Variants in DAB1 observed in about 807,000 individuals in gnomAD.
DAB1 encodes disabled homolog 1.
DAB1 carries 15 observed loss-of-function variants against 64.6 expected under a neutral mutation model. The observed-to-expected ratio is 0.23, with a 90% CI of 0.16 to 0.36. DAB1 has a LOEUF of 0.36. Among genes scored for constraint, DAB1 ranks in the 10% least tolerant of loss-of-function variants. The pLI is 1.00. For missense variants in DAB1, 596 were observed against 706.7 expected (o/e 0.84, Z 1.78); for synonymous variants, 235 against 251.9 (o/e 0.93, Z 0.64).
intron 2 of DAB1, among the ~76,000 whole-genome samples, chr1:57,284,318 A>T (rs562654286): frequency 1.1e-4 from 17 of 152,338 alleles, no homozygotes; most frequent in South Asian, 2.1e-4. Flanking sequence ...GTGGATGACT[A>T]GAGTCAGAAT....
chr1:57,732,189 T>C (rs986468267), intron 6 of DAB1, among the ~76,000 whole-genome samples: 2 of 152,192 alleles, frequency 1.3e-5, no homozygotes, highest in Admixed American at 6.5e-5. Flanking sequence ...GGGGGTATCA[T>C]GCAGGTCAGG....
At chr1:58,487,893 C>A (rs1018625861) in intron 3 of DAB1, among the ~76,000 whole-genome samples, 6 of 151,642 alleles carry the variant, frequency 4.0e-5, no homozygotes, top group African/African-American at 1.5e-4. Context: ...AGTTTTCTTG[C>A]ATGTTACCGT....
At chr1:57,629,102 A>AATT (rs1451379408) in intron 7 of DAB1, among the ~76,000 whole-genome samples, 1 of 152,240 alleles carries the variant, frequency 6.6e-6, no homozygotes. Flanking sequence ...CAATGCATAC[A>AATT]ATTATATAAG....
intron 6 of DAB1, among the ~76,000 whole-genome samples, chr1:57,775,670 T>C (rs1649761878): frequency 6.6e-6 from 1 of 151,728 alleles, no homozygotes; most frequent in Admixed American, 6.6e-5. Flanking sequence ...AAAGAAAGTG[T>C]ATTCTGCTGT....
chr1:57,954,355 G>A (rs1313069274), intron 5 of DAB1, among the ~76,000 whole-genome samples: 3 of 152,140 alleles, frequency 2.0e-5, no homozygotes, highest in Admixed American at 6.6e-5. Context: ...ATGAGCATGC[G>A]ATATAAGCCA....
At chr1:57,704,795 TCAATAGA>T (rs1250238943) in intron 6 of DAB1, among the ~76,000 whole-genome samples, 1 of 152,152 alleles carries the variant, frequency 6.6e-6, no homozygotes, top group Non-Finnish European at 1.5e-5. Context: ...GCAAATAGTT[TCAATAGA>T]TCTACTAGTC....
At chr1:58,357,055 G>GT (rs952872924) in intron 3 of DAB1, among the ~76,000 whole-genome samples, 1 of 146,402 alleles carries the variant, frequency 6.8e-6, no homozygotes, top group African/African-American at 2.5e-5. Flanking sequence ...AAAAGTTAAA[G>GT]TTTTTTTTAT....
chr1:58,132,132 C>A (rs1033148520), intron 5 of DAB1, among the ~76,000 whole-genome samples: 3 of 152,176 alleles, frequency 2.0e-5, no homozygotes, highest in African/African-American at 7.2e-5. Context: ...TAGGACCCTC[C>A]AAGCCAGGTG....
chr1:57,743,855 G>T (rs2101794135), intron 6 of DAB1, among the ~76,000 whole-genome samples: 1 of 152,340 alleles, frequency 6.6e-6, no homozygotes, highest in Non-Finnish European at 1.5e-5. Flanking sequence ...CATTAGCATT[G>T]TTTCTATAGA....
chr1:58,228,726 A>G (rs1659624619), intron 4 of DAB1: 1 of 1,117,766 alleles, frequency 8.9e-7, no homozygotes, highest in Non-Finnish European at 1.3e-6. Flanking sequence ...GACCTTCTGG[A>G]AACTGAGCCA....
intron 1 of DAB1, among the ~76,000 whole-genome samples, chr1:57,875,672 T>C (rs978229674): frequency 1.3e-5 from 2 of 152,162 alleles, no homozygotes; most frequent in African/African-American, 2.4e-5. Context: ...AGGTACTCAA[T>C]AAATAATTAT....
intron 4 of DAB1, among the ~76,000 whole-genome samples, chr1:58,229,444 C>T (rs1275468994): frequency 6.6e-6 from 1 of 152,160 alleles, no homozygotes; most frequent in African/African-American, 2.4e-5. Flanking sequence ...GGAACCAGGT[C>T]CTGTGTAGGA....
chr1:57,365,431 C>T (rs2100913279), intron 1 of DAB1, among the ~76,000 whole-genome samples: 1 of 146,144 alleles, frequency 6.8e-6, no homozygotes, highest in Non-Finnish European at 1.5e-5. Flanking sequence ...CTGTACTTCA[C>T]AATAAAACTA....
chr1:57,641,367 TTTTTTTTGTTGG>T (rs1420213256), intron 7 of DAB1, among the ~76,000 whole-genome samples: 4 of 136,874 alleles, frequency 2.9e-5, no homozygotes, highest in African/African-American at 1.1e-4. Flanking sequence ...CAGTTCCCTC[TTTTTTTTGTTGG>T]TTTTTTTTTT....
At chr1:58,316,884 T>C (rs1380632120) in intron 4 of DAB1, among the ~76,000 whole-genome samples, 1 of 152,250 alleles carries the variant, frequency 6.6e-6, no homozygotes, top group Non-Finnish European at 1.5e-5. Flanking sequence ...CTCAAGAGTT[T>C]TTCTATTCTG....
At chr1:57,330,131 C>T (rs765551036) in intron 1 of DAB1, among the ~76,000 whole-genome samples, 1 of 152,158 alleles carries the variant, frequency 6.6e-6, no homozygotes, top group Non-Finnish European at 1.5e-5. Context: ...AAGTCATCTT[C>T]CTTCACTTAA....
At chr1:58,035,522 G>A (rs116186057) in intron 5 of DAB1, among the ~76,000 whole-genome samples, 1 of 152,336 alleles carries the variant, frequency 6.6e-6, no homozygotes, top group African/African-American at 2.4e-5. Context: ...TTGCAGATGA[G>A]GAAACTGAGG....
At chr1:58,493,369 C>T (rs1456883696) in intron 3 of DAB1, among the ~76,000 whole-genome samples, 2 of 152,212 alleles carry the variant, frequency 1.3e-5, no homozygotes, top group East Asian at 3.9e-4. Flanking sequence ...GACAGGGATG[C>T]CCTCTCTCAC....
chr1:57,974,224 C>A (rs188231206), intron 5 of DAB1, among the ~76,000 whole-genome samples: 111 of 152,256 alleles, frequency 7.3e-4, no homozygotes, highest in African/African-American at 2.6e-3. Flanking sequence ...AGCTTCCCTG[C>A]CCATCCCCAA....
Sources: gnomAD v4.1 joint callset for allele counts (sites outside exome capture counted in the v4.1 genomes callset) on GRCh38, gnomAD v4.1.1 for gene constraint, MANE v1.5 for transcripts, NCBI Gene and HGNC (gene_info 2026-07-23, HGNC 2026-07-21) for gene names.